BLTP2: variants seen among roughly 807,000 people sequenced by gnomAD.
BLTP2 encodes bridge-like lipid transfer protein family member 2, also known as U937-associated antigen.
chr17:28,628,318 G>C, the BLTP2 span: 1 of 1,614,198 alleles, frequency 6.2e-7, no homozygotes, highest in Non-Finnish European at 8.5e-7. Flanking sequence ...GTTAACACGA[G>C]GTGGGGCTGA....
the BLTP2 span, chr17:28,614,550 C>T: frequency 1.7e-5 from 3 of 176,112 alleles, no homozygotes; most frequent in South Asian, 2.9e-4. Flanking sequence ...CTGGCTCCTA[C>T]TGCCATCCTC....
the BLTP2 span, chr17:28,620,097 A>C: frequency 7.7e-7 from 1 of 1,292,686 alleles, no homozygotes; most frequent in Non-Finnish European, 1.1e-6. Flanking sequence ...AGGAGAAAGA[A>C]ATGGGGGGGG....
At chr17:28,638,808 G>A in the BLTP2 span, among the ~76,000 whole-genome samples, 1 of 152,158 alleles carries the variant, frequency 6.6e-6, no homozygotes, top group African/African-American at 2.4e-5. Flanking sequence ...TCAGTTTATT[G>A]CTACTCTTAA....
the BLTP2 span, chr17:28,639,017 ACAAT>A: frequency 6.5e-5 from 31 of 477,730 alleles, 1 homozygote; most frequent in Non-Finnish European, 1.2e-4. Flanking sequence ...CTGCCACCTT[ACAAT>A]CAAAGGCAGG....
At chr17:28,639,719 G>A in the BLTP2 span, 36 of 1,459,718 alleles carry the variant, frequency 2.5e-5, no homozygotes, top group African/African-American at 1.1e-4. Context: ...GTCAGAAGCC[G>A]GCAAAGGGAT....
At chr17:28,619,083 T>G in the BLTP2 span, 7 of 776,330 alleles carry the variant, frequency 9.0e-6, no homozygotes, top group Non-Finnish European at 1.4e-5. Flanking sequence ...TAACCTATTC[T>G]GGGTTAGCCA....
At chr17:28,641,954 C>A in the BLTP2 span, 1 of 1,614,206 alleles carries the variant, frequency 6.2e-7, no homozygotes, top group Non-Finnish European at 8.5e-7. Context: ...CTGGAAGAGG[C>A]CCTCATGCAG....
At chr17:28,635,486 C>G in the BLTP2 span, 3 of 1,614,186 alleles carry the variant, frequency 1.9e-6, no homozygotes. Flanking sequence ...AGGGATGGTA[C>G]AGTCTCAGGA....
the BLTP2 span, chr17:28,645,064 C>G: frequency 6.3e-7 from 1 of 1,589,274 alleles, no homozygotes; most frequent in Non-Finnish European, 8.6e-7. Context: ...CATTTAGGTC[C>G]GGGTCCGGCC....
chr17:28,640,526 A>C, the BLTP2 span: 1 of 1,610,536 alleles, frequency 6.2e-7, no homozygotes, highest in Non-Finnish European at 8.5e-7. Flanking sequence ...TCCCACTATC[A>C]CTCTCCCATC....
the BLTP2 span, chr17:28,641,930 C>T: frequency 1.9e-6 from 3 of 1,614,034 alleles, no homozygotes; most frequent in Non-Finnish European, 2.5e-6. Context: ...TGGGCCCTGG[C>T]ACAGCAGTTG....
At chr17:28,631,463 G>A in the BLTP2 span, 3 of 1,609,338 alleles carry the variant, frequency 1.9e-6, no homozygotes, top group Non-Finnish European at 2.6e-6. Context: ...AATAAAGAAA[G>A]TGTGTCAGGG....
chr17:28,641,621 A>G, the BLTP2 span, among the ~76,000 whole-genome samples: 3 of 151,942 alleles, frequency 2.0e-5, no homozygotes, highest in Admixed American at 1.3e-4. Context: ...AGCCTGGGTG[A>G]CAGAGCAAGA....
At chr17:28,642,982 G>C in the BLTP2 span, 2 of 1,579,212 alleles carry the variant, frequency 1.3e-6, no homozygotes, top group African/African-American at 1.3e-5. Flanking sequence ...CATGAATGGA[G>C]AATAGCTGGA....
chr17:28,615,524 T>C, the BLTP2 span: 1 of 992,642 alleles, frequency 1.0e-6, no homozygotes, highest in Non-Finnish European at 1.5e-6. Context: ...ATGGAGAGGG[T>C]AGGCATAGAA....
the BLTP2 span, among the ~76,000 whole-genome samples, chr17:28,626,592 G>T: frequency 6.6e-6 from 1 of 152,224 alleles, no homozygotes; most frequent in Non-Finnish European, 1.5e-5. Flanking sequence ...TGGGAAGAGA[G>T]GGGCTGAAGG....
the BLTP2 span, chr17:28,642,453 C>A: frequency 1.3e-6 from 1 of 794,922 alleles, no homozygotes; most frequent in East Asian, 2.6e-5. Flanking sequence ...AGATCAAGAC[C>A]ATCCTGACTA....
chr17:28,619,019 G>A, the BLTP2 span: 1 of 1,506,212 alleles, frequency 6.6e-7, no homozygotes, highest in African/African-American at 1.4e-5. Flanking sequence ...ACAGCACATG[G>A]GTTGGGGGTG....
chr17:28,634,231 T>C, the BLTP2 span: 1 of 762,718 alleles, frequency 1.3e-6, no homozygotes, highest in East Asian at 2.7e-5. Context: ...CACAGCAAGC[T>C]GAAAAATGAC....
Sources: allele counts gnomAD v4.1 joint callset (sites outside exome capture counted in the v4.1 genomes callset), GRCh38; gene constraint gnomAD v4.1.1; transcripts MANE v1.5; gene names NCBI Gene and HGNC (gene_info 2026-07-23, HGNC 2026-07-21).